The following POFUT3 variants were observed in gnomAD, a reference collection of about 807,000 sequenced individuals.
POFUT3 encodes protein O-fucosyltransferase 3.
chr8:33,449,850 T>G, the POFUT3 span, among the ~76,000 whole-genome samples: 3 of 151,556 alleles, frequency 2.0e-5, no homozygotes, highest in Non-Finnish European at 4.4e-5. Context: ...TCCTCCAATC[T>G]CAACGTTATC....
At chr8:33,466,753 G>A in the POFUT3 span, among the ~76,000 whole-genome samples, 1 of 152,104 alleles carries the variant, frequency 6.6e-6, no homozygotes, top group Non-Finnish European at 1.5e-5. Flanking sequence ...CAATTCAATA[G>A]AATAGACCAA....
chr8:33,412,607 C>T, the POFUT3 span, among the ~76,000 whole-genome samples: 2,302 of 152,236 alleles, frequency 0.015, 50 homozygotes, highest in African/African-American at 0.053. Context: ...CATTGCATCT[C>T]TGCTTTGCCA....
the POFUT3 span, among the ~76,000 whole-genome samples, chr8:33,471,360 G>C: frequency 3.3e-5 from 5 of 152,060 alleles, no homozygotes; most frequent in Non-Finnish European, 5.9e-5. Flanking sequence ...TGATTGTTCT[G>C]TCTCAGCCTC....
chr8:33,333,330 G>A, the POFUT3 span, among the ~76,000 whole-genome samples: 28 of 152,294 alleles, frequency 1.8e-4, no homozygotes, highest in Non-Finnish European at 4.0e-4. Flanking sequence ...GAGGTAAGGA[G>A]GTCAGACCAT....
At chr8:33,385,572 G>A in the POFUT3 span, among the ~76,000 whole-genome samples, 2 of 152,116 alleles carry the variant, frequency 1.3e-5, no homozygotes, top group Non-Finnish European at 2.9e-5. Flanking sequence ...GCCAAGAATA[G>A]TCAAATCACT....
At chr8:33,367,357 AC>A in the POFUT3 span, among the ~76,000 whole-genome samples, 8 of 152,064 alleles carry the variant, frequency 5.3e-5, no homozygotes, top group African/African-American at 9.7e-5. Flanking sequence ...GCAGTTAACT[AC>A]CCCAACCTAT....
At chr8:33,417,034 A>C in the POFUT3 span, among the ~76,000 whole-genome samples, 2 of 152,048 alleles carry the variant, frequency 1.3e-5, no homozygotes, top group African/African-American at 4.8e-5. Context: ...GAGTGGCGGG[A>C]GTGAGAGAAA....
the POFUT3 span, among the ~76,000 whole-genome samples, chr8:33,326,551 T>A: frequency 6.6e-6 from 1 of 152,238 alleles, no homozygotes; most frequent in Admixed American, 6.5e-5. Flanking sequence ...GTTAAATGTC[T>A]ACTTCCTACT....
At chr8:33,406,722 C>T in the POFUT3 span, among the ~76,000 whole-genome samples, 1 of 152,068 alleles carries the variant, frequency 6.6e-6, no homozygotes, top group Non-Finnish European at 1.5e-5. Flanking sequence ...TGCACCACCA[C>T]ATCCAGCTAA....
the POFUT3 span, chr8:33,455,680 T>C: frequency 2.7e-6 from 1 of 374,368 alleles, no homozygotes; most frequent in Non-Finnish European, 5.3e-6. Context: ...CACATTTACA[T>C]TTCTATGTGT....
the POFUT3 span, chr8:33,389,871 T>C: frequency 1.9e-6 from 2 of 1,052,136 alleles, no homozygotes; most frequent in African/African-American, 1.6e-5. Context: ...CCTGGTAAGA[T>C]TAGAATACAG....
the POFUT3 span, among the ~76,000 whole-genome samples, chr8:33,429,051 C>T: frequency 6.6e-6 from 1 of 152,186 alleles, no homozygotes; most frequent in Non-Finnish European, 1.5e-5. Context: ...TGGGCATCCA[C>T]CCTGCCCCAG....
At chr8:33,380,369 T>C in the POFUT3 span, among the ~76,000 whole-genome samples, 1 of 148,602 alleles carries the variant, frequency 6.7e-6, no homozygotes, top group Non-Finnish European at 1.5e-5. Flanking sequence ...AAAGAGATGC[T>C]GAATTAGGTG....
chr8:33,422,018 GAAAACAAAAACA>G, the POFUT3 span, among the ~76,000 whole-genome samples: 323 of 149,644 alleles, frequency 2.2e-3, 2 homozygotes, highest in African/African-American at 7.3e-3. Flanking sequence ...CAACCACACA[GAAAACAAAAACA>G]AAAACAAAAA....
At chr8:33,322,600 T>C in the POFUT3 span, among the ~76,000 whole-genome samples, 2 of 152,078 alleles carry the variant, frequency 1.3e-5, no homozygotes, top group African/African-American at 4.8e-5. Flanking sequence ...TGCATGCATA[T>C]TATATACATA....
the POFUT3 span, among the ~76,000 whole-genome samples, chr8:33,346,482 A>G: frequency 6.6e-6 from 1 of 152,218 alleles, no homozygotes; most frequent in Non-Finnish European, 1.5e-5. Context: ...CAGCAAAAGG[A>G]CCACTAATTG....
the POFUT3 span, among the ~76,000 whole-genome samples, chr8:33,314,256 G>A: frequency 6.6e-6 from 1 of 152,124 alleles, no homozygotes; most frequent in Non-Finnish European, 1.5e-5. Flanking sequence ...TCCAACTGAG[G>A]GTGAAAAGAA....
chr8:33,422,128 T>A, the POFUT3 span, among the ~76,000 whole-genome samples: 1 of 152,036 alleles, frequency 6.6e-6, no homozygotes, highest in Non-Finnish European at 1.5e-5. Context: ...TTATTTACTT[T>A]TTGATAAAAT....
chr8:33,351,681 C>T, the POFUT3 span, among the ~76,000 whole-genome samples: 1 of 152,090 alleles, frequency 6.6e-6, no homozygotes, highest in Non-Finnish European at 1.5e-5. Flanking sequence ...AAACCTCTTA[C>T]CCAGCCTCCG....
Sources: gnomAD v4.1 joint callset for allele counts (sites outside exome capture counted in the v4.1 genomes callset) on GRCh38, gnomAD v4.1.1 for gene constraint, MANE v1.5 for transcripts, NCBI Gene and HGNC (gene_info 2026-07-23, HGNC 2026-07-21) for gene names.